ANO4: variants seen among roughly 807,000 people sequenced by gnomAD.
ANO4 encodes the protein anoctamin-4.
Under a neutral mutation model 141.9 loss-of-function variants are expected in ANO4, and 69 were observed. That is an observed-to-expected ratio of 0.49 (90% CI 0.40 to 0.59). The LOEUF (loss-of-function observed/expected upper bound fraction) is 0.59, where lower values mean the gene tolerates loss of function less well. Among genes scored for constraint, ANO4 ranks in the 20% least tolerant of loss-of-function variants. ANO4 has a pLI of 0.00. For missense variants in ANO4, 894 were observed against 1,162.2 expected, an observed-to-expected ratio of 0.77 and a Z score of 3.36; for synonymous variants, 350 against 394.3, an observed-to-expected ratio of 0.89 and a Z score of 1.33.
At chr12:101,079,601 C>T (rs2049163883) in intron 15 of ANO4, among the ~76,000 whole-genome samples, 1 of 151,988 alleles carries the variant, frequency 6.6e-6, no homozygotes, top group Non-Finnish European at 1.5e-5. Flanking sequence ...AGAAAAAGAG[C>T]ATTCATTTGA....
At chr12:100,848,881 T>C (rs996370034) in intron 1 of ANO4, among the ~76,000 whole-genome samples, 37 of 152,210 alleles carry the variant, frequency 2.4e-4, no homozygotes, top group African/African-American at 8.7e-4. Context: ...CTCTTCCCTT[T>C]CTTTTCCTAC....
At chr12:101,073,244 A>T (rs1192155741) in intron 14 of ANO4, among the ~76,000 whole-genome samples, 1 of 152,138 alleles carries the variant, frequency 6.6e-6, no homozygotes, top group East Asian at 1.9e-4. Context: ...ATGCAGCCAT[A>T]AAAAAGGATG....
intron 1 of ANO4, among the ~76,000 whole-genome samples, chr12:100,885,156 C>T (rs779348711): frequency 7.2e-5 from 11 of 152,174 alleles, no homozygotes; most frequent in Non-Finnish European, 1.5e-4. Flanking sequence ...TTTTGGATAT[C>T]CCAGGATAAC....
chr12:101,045,763 G>A (rs1430715130), intron 13 of ANO4, among the ~76,000 whole-genome samples: 1 of 152,158 alleles, frequency 6.6e-6, no homozygotes, highest in East Asian at 1.9e-4. Flanking sequence ...TTCCTCCAGG[G>A]ACCCCGGTGG....
chr12:100,837,532 T>C (rs2036994811), intron 1 of ANO4, among the ~76,000 whole-genome samples: 1 of 151,992 alleles, frequency 6.6e-6, no homozygotes, highest in East Asian at 1.9e-4. Context: ...TCCCAGCACG[T>C]TGGGAGGCCG....
intron 9 of ANO4, among the ~76,000 whole-genome samples, chr12:101,029,694 G>A (rs141429341): frequency 0.019 from 2,857 of 151,928 alleles, 43 homozygotes; most frequent in Non-Finnish European, 0.027. Flanking sequence ...GGTGGATCAC[G>A]AGGTCAGGAA....
intron 1 of ANO4, among the ~76,000 whole-genome samples, chr12:100,865,227 A>T (rs894234342): frequency 3.3e-5 from 5 of 152,204 alleles, no homozygotes; most frequent in African/African-American, 1.2e-4. Context: ...ACAATGGTTG[A>T]ACTAATTTAC....
chr12:100,952,985 C>T (rs1342826491), intron 5 of ANO4, among the ~76,000 whole-genome samples: 1 of 152,046 alleles, frequency 6.6e-6, no homozygotes, highest in Non-Finnish European at 1.5e-5. Flanking sequence ...AAAAAAATAC[C>T]CATTATACAA....
chr12:100,777,530 A>G (rs1443151251), intron 3 of ANO4, among the ~76,000 whole-genome samples: 1 of 152,026 alleles, frequency 6.6e-6, no homozygotes, highest in Admixed American at 6.6e-5. Context: ...GCTGGGAGAC[A>G]CAGCCCGAAG....
intron 17 of ANO4, among the ~76,000 whole-genome samples, chr12:101,093,748 A>G (rs562296142): frequency 9.9e-5 from 15 of 152,260 alleles, no homozygotes; most frequent in East Asian, 1.9e-4. Flanking sequence ...GGGTCCACCA[A>G]TGGAAAAGTG....
intron 14 of ANO4, among the ~76,000 whole-genome samples, chr12:101,056,755 C>G (rs953048948): frequency 6.6e-6 from 1 of 151,448 alleles, no homozygotes; most frequent in Non-Finnish European, 1.5e-5. Flanking sequence ...GAAGGACATT[C>G]CTTCTATTAT....
chr12:100,947,061 G>A (rs1486299798), intron 5 of ANO4, among the ~76,000 whole-genome samples: 1 of 152,128 alleles, frequency 6.6e-6, no homozygotes, highest in African/African-American at 2.4e-5. Context: ...AAGAAAGAAT[G>A]GGAAGAGAAA....
intron 1 of ANO4, among the ~76,000 whole-genome samples, chr12:100,848,636 A>G (rs1593509208): frequency 6.6e-6 from 1 of 152,088 alleles, no homozygotes; most frequent in African/African-American, 2.4e-5. Context: ...TTGTGGTCTG[A>G]CTTCTCCTGG....
chr12:101,084,607 T>C (rs545542367), intron 16 of ANO4, among the ~76,000 whole-genome samples: 220 of 152,268 alleles, frequency 1.4e-3, no homozygotes, highest in African/African-American at 5.1e-3. Flanking sequence ...CTACTCCCTT[T>C]TTCCAGTGAA....
At chr12:100,991,867 G>C (rs78540315) in intron 8 of ANO4, among the ~76,000 whole-genome samples, 2 of 152,092 alleles carry the variant, frequency 1.3e-5, no homozygotes, top group Non-Finnish European at 2.9e-5. Context: ...TGTGAAGTCA[G>C]CTGACTGCAC....
intron 14 of ANO4, among the ~76,000 whole-genome samples, chr12:101,078,044 C>T (rs1566215441): frequency 6.6e-6 from 1 of 152,116 alleles, no homozygotes; most frequent in Non-Finnish European, 1.5e-5. Context: ...TTTCTAGCTA[C>T]TTATTTTAAG....
intron 1 of ANO4, among the ~76,000 whole-genome samples, chr12:100,854,392 A>C (rs935549554): frequency 6.6e-6 from 1 of 152,134 alleles, no homozygotes; most frequent in Non-Finnish European, 1.5e-5. Context: ...GAAATACTAG[A>C]GACCCGTGTT....
intron 3 of ANO4, among the ~76,000 whole-genome samples, chr12:100,765,128 C>A (rs1016343945): frequency 6.6e-6 from 1 of 152,124 alleles, no homozygotes; most frequent in South Asian, 2.1e-4. Context: ...CTGATTCAAT[C>A]TCCTTTCTTG....
intron 7 of ANO4, among the ~76,000 whole-genome samples, chr12:100,977,628 A>G (rs1393005928): frequency 2.6e-5 from 4 of 152,128 alleles, no homozygotes; most frequent in Non-Finnish European, 4.4e-5. Context: ...AAAAGTCTAT[A>G]TATTACTCTT....
Sources: allele counts gnomAD v4.1 joint callset (sites outside exome capture counted in the v4.1 genomes callset), GRCh38; gene constraint gnomAD v4.1.1; transcripts MANE v1.5; gene names NCBI Gene and HGNC (gene_info 2026-07-23, HGNC 2026-07-21).